WASF2: variants seen among roughly 807,000 people sequenced by gnomAD.
The protein encoded by WASF2 is actin-binding protein WASF2.
A neutral mutation model predicts 45.0 loss-of-function variants in WASF2; 14 were observed. That is an observed-to-expected ratio of 0.31 (90% CI 0.21 to 0.49). The LOEUF is 0.49. Ranked by LOEUF, WASF2 falls within the 20% of genes least tolerant of loss-of-function variation. WASF2 has a pLI of 0.99. For synonymous variants in WASF2, 200 were observed against 236.3 expected, an observed-to-expected ratio of 0.85 and a Z score of 1.41; for missense variants, 439 against 636.1, an observed-to-expected ratio of 0.69 and a Z score of 3.33.
intron 1 of WASF2, among the ~76,000 whole-genome samples, chr1:27,478,487 T>C (rs1470835566): frequency 2.0e-5 from 3 of 152,172 alleles, no homozygotes; most frequent in Non-Finnish European, 2.9e-5. Flanking sequence ...TATGTGGGGA[T>C]AGAAATCAGA....
chr1:27,471,405 C>A (rs1028577216), intron 1 of WASF2, among the ~76,000 whole-genome samples: 1 of 150,486 alleles, frequency 6.6e-6, no homozygotes, highest in Non-Finnish European at 1.5e-5. Context: ...GTGATCCCAG[C>A]ACTCTGAGAA....
chr1:27,466,542 G>C (rs775320010), intron 1 of WASF2, among the ~76,000 whole-genome samples: 1 of 152,198 alleles, frequency 6.6e-6, no homozygotes, highest in Non-Finnish European at 1.5e-5. Flanking sequence ...TGTGCCGTAA[G>C]TGCAAAGCAC....
chr1:27,433,719 A>G (rs1436853381), intron 1 of WASF2, among the ~76,000 whole-genome samples: 1 of 152,208 alleles, frequency 6.6e-6, no homozygotes, highest in African/African-American at 2.4e-5. Flanking sequence ...TGCAGGGGTG[A>G]GTCCAGCCCC....
intron 1 of WASF2, among the ~76,000 whole-genome samples, chr1:27,441,130 T>C (rs778561370): frequency 7.2e-5 from 11 of 151,736 alleles, no homozygotes; most frequent in Non-Finnish European, 1.3e-4. Context: ...AGCCTCCCAA[T>C]GTGCTGGGAT....
At chr1:27,480,707 C>T (rs1026257731) in intron 1 of WASF2, among the ~76,000 whole-genome samples, 1 of 151,976 alleles carries the variant, frequency 6.6e-6, no homozygotes, top group Non-Finnish European at 1.5e-5. Context: ...ACAAGCCACA[C>T]GACATATTTA....
At chr1:27,467,198 AGAGT>A (rs1336853309) in intron 1 of WASF2, among the ~76,000 whole-genome samples, 1 of 145,062 alleles carries the variant, frequency 6.9e-6, no homozygotes, top group Non-Finnish European at 1.5e-5. Context: ...CCTGGGTGTC[AGAGT>A]GAGACCTTGT....
chr1:27,443,163 CTAAA>C (rs1198483616), intron 1 of WASF2, among the ~76,000 whole-genome samples: 1 of 149,682 alleles, frequency 6.7e-6, no homozygotes, highest in Non-Finnish European at 1.5e-5. Context: ...GACCCTGTTT[CTAAA>C]TAAATAAATA....
At chr1:27,442,059 C>CTGAT (rs959405894) in intron 1 of WASF2, among the ~76,000 whole-genome samples, 20 of 150,294 alleles carry the variant, frequency 1.3e-4, no homozygotes, top group African/African-American at 4.9e-4. Context: ...TGAGCCATGA[C>CTGAT]TGATTGCTCC....
At chr1:27,459,823 T>C (rs17340684) in intron 1 of WASF2, among the ~76,000 whole-genome samples, 15,405 of 152,212 alleles carry the variant, frequency 0.1, 1,008 homozygotes, top group Non-Finnish European at 0.14. Flanking sequence ...AAATACATAC[T>C]GTATAAGGAA....
intron 8 of WASF2, 112 bp downstream of exon 8, chr1:27,409,579 TG>T: frequency 1.5e-6 from 2 of 1,332,780 alleles, no homozygotes; most frequent in East Asian, 5.5e-5. Flanking sequence ...CCCCACCCAA[TG>T]AAAGCCGTTT....
intron 1 of WASF2, among the ~76,000 whole-genome samples, chr1:27,437,781 C>T (rs1012646163): frequency 1.3e-5 from 2 of 152,080 alleles, no homozygotes; most frequent in African/African-American, 2.4e-5. Context: ...CCCTTTACTC[C>T]TAATAAGGTA....
chr1:27,412,216 GTTTGTT>G (rs2016770968), intron 7 of WASF2, among the ~76,000 whole-genome samples: 1 of 152,092 alleles, frequency 6.6e-6, no homozygotes, highest in Non-Finnish European at 1.5e-5. Context: ...TTAACTTTTT[GTTTGTT>G]TTTGTTTTTG....
Position 27,409,428 on chromosome 1 carries a change from C to CAAAAAAA in WASF2, c.1339+257_1339+263dup, listed in dbSNP as rs60940665. ...CAAAAGAGCCAGACTCTGTCCCCCA[C>CAAAAAAA]AAAAAAAAAAAAAAAAAAAAAAAAA... On this transcript the variant is annotated intron_variant, in intron 8 of 8. Coordinates refer to ENST00000618852, the MANE Select transcript of WASF2 (RefSeq NM_006990.5). 4.1e-3 allele frequency among the ~76,000 whole-genome samples: 180 copies of CAAAAAAA among 43,566 alleles called. 1 individual carries two copies. Among genetic ancestry groups the CAAAAAAA allele is most frequent in the Non-Finnish European group, 6.8e-3 (116 of 16,990 alleles). 28.6% of individuals were successfully genotyped at this position (43,566 alleles called of 152,430 possible).
At chr1:27,424,398 T>C (rs2016948533) in intron 2 of WASF2, among the ~76,000 whole-genome samples, 1 of 152,232 alleles carries the variant, frequency 6.6e-6, no homozygotes, top group East Asian at 1.9e-4. Flanking sequence ...TGTGCATCAA[T>C]AGCACGGAAT....
At chr1:27,482,980 A>G (rs2017872926) in intron 1 of WASF2, among the ~76,000 whole-genome samples, 1 of 152,192 alleles carries the variant, frequency 6.6e-6, no homozygotes, top group Non-Finnish European at 1.5e-5. Context: ...GATGCTGCTT[A>G]AGTATTCCTG....
intron 4 of WASF2, among the ~76,000 whole-genome samples, chr1:27,416,596 G>A (rs983717499): frequency 6.6e-6 from 1 of 152,226 alleles, no homozygotes; most frequent in African/African-American, 2.4e-5. Context: ...CGTGAAAAGT[G>A]TGTGGTTTAC....
chr1:27,408,459 G>C, intron 8 of WASF2, 113 bp from the exon 9 acceptor site: 3 of 1,387,002 alleles, frequency 2.2e-6, no homozygotes, highest in Non-Finnish European at 2.9e-6. Flanking sequence ...GGAAAGGATA[G>C]AGAAAAAGAA....
At chr1:27,466,367 G>A (rs1400700893) in intron 1 of WASF2, among the ~76,000 whole-genome samples, 1 of 152,066 alleles carries the variant, frequency 6.6e-6, no homozygotes, top group African/African-American at 2.4e-5. Context: ...GAGACATCTG[G>A]ACATTATGAG....
rs201992062 is a variant in WASF2, at chr1:27,408,373, G to A, written c.1340-27C>T. 2.9e-5 allele frequency: 46 copies of A among 1,613,832 alleles called. No homozygotes were observed. The Middle Eastern group carries it at 4.9e-4, about 17-fold the overall frequency. On this transcript the variant is annotated intron_variant, in intron 8 of 8. Transcript: ENST00000618852. ...TAGTGGCAAAGAGACAGAAGGGTGA[G>A]GAAGGCGTGTCCTCAGCCTTGGAAT...
Sources: gnomAD v4.1 joint callset for allele counts (sites outside exome capture counted in the v4.1 genomes callset) on GRCh38, gnomAD v4.1.1 for gene constraint, MANE v1.5 for transcripts, NCBI Gene and HGNC (gene_info 2026-07-23, HGNC 2026-07-21) for gene names.